PCDH9: variants seen among roughly 807,000 people sequenced by gnomAD.
PCDH9 encodes protocadherin 9.
A neutral mutation model predicts 70.6 loss-of-function variants in PCDH9; 24 were observed. That is an observed-to-expected ratio of 0.34 (90% confidence interval 0.25 to 0.48). The LOEUF (loss-of-function observed/expected upper bound fraction) is 0.48, where lower values mean the gene tolerates loss of function less well. Among genes scored for constraint, PCDH9 ranks in the 20% least tolerant of loss-of-function variants. The probability of loss-of-function intolerance (pLI) is 0.99; values close to 1 mark genes in which losing one functional copy is unlikely to be tolerated. For missense variants in PCDH9, 1,281 were observed against 1,503.6 expected (o/e 0.85, Z 2.45); for synonymous variants, 562 against 558.5 (o/e 1.01, Z -0.09).
intron 2 of PCDH9, among the ~76,000 whole-genome samples, chr13:67,042,382 C>T (rs981192488): frequency 2.6e-5 from 4 of 152,080 alleles, no homozygotes; most frequent in African/African-American, 9.7e-5. Flanking sequence ...CTTCACAAGG[C>T]AGCAGGAAGG....
Position 67,140,950 on chromosome 13 carries a change from T to C in PCDH9, c.3036+84455A>G, listed in dbSNP as rs189211250. On this transcript the variant is annotated intron_variant, in intron 2 of 4. Coordinates refer to ENST00000377865, the MANE Select transcript of PCDH9 (RefSeq NM_203487.3). ...CCTAATTTTTCTTTCTTTTGCTTTT[T>C]CCCCCTCATTTTTTTCTGTAATATT... 7.5e-3 allele frequency among the ~76,000 whole-genome samples: 1,142 copies of C among 152,310 alleles called. 13 individuals carry two copies. Among genetic ancestry groups the C allele is most frequent in the Non-Finnish European group, 0.012 (835 of 68,024 alleles).
chr13:67,197,277 A>C (rs1323044951), intron 2 of PCDH9, among the ~76,000 whole-genome samples: 1 of 151,956 alleles, frequency 6.6e-6, no homozygotes, highest in Non-Finnish European at 1.5e-5. Context: ...CCTATGGCAA[A>C]ATGTGTCTTT....
chr13:66,359,704 G>A (rs1956437737), intron 4 of PCDH9, among the ~76,000 whole-genome samples: 1 of 152,034 alleles, frequency 6.6e-6, no homozygotes, highest in Non-Finnish European at 1.5e-5. Context: ...TTTCTTCTCT[G>A]TCTTGAGTTG....
At chr13:66,497,684 A>G (rs542816426) in intron 4 of PCDH9, among the ~76,000 whole-genome samples, 13 of 152,266 alleles carry the variant, frequency 8.5e-5, no homozygotes, top group African/African-American at 3.1e-4. Flanking sequence ...CTTGGTAGTT[A>G]AGAGGGTTTG....
intron 4 of PCDH9, among the ~76,000 whole-genome samples, chr13:66,559,724 C>T (rs571316862): frequency 3.4e-5 from 5 of 145,160 alleles, no homozygotes; most frequent in African/African-American, 1.3e-4. Flanking sequence ...GGCATGAACC[C>T]AGGAGGCGGA....
intron 4 of PCDH9, among the ~76,000 whole-genome samples, chr13:66,516,868 T>C (rs1468133548): frequency 6.6e-6 from 1 of 152,132 alleles, no homozygotes; most frequent in Non-Finnish European, 1.5e-5. Flanking sequence ...ATCTTTCCTG[T>C]TAATTTTTTA....
rs561815101 is a variant in PCDH9 at position 66,724,621 on chromosome 13, G to A, written c.3139-93210C>T. Among the ~76,000 whole-genome samples, 200 of 152,208 alleles carry A rather than the reference G, an allele frequency of 1.3e-3. 1 individual carries two copies. Among genetic ancestry groups the A allele is most frequent in the African/African-American group, 4.7e-3 (194 of 41,530 alleles). On this transcript the variant is annotated intron_variant, in intron 3 of 4. Coordinates refer to ENST00000377865, the MANE Select transcript of PCDH9 (RefSeq NM_203487.3). Reference sequence around the variant, plus strand: ...ATTCTTCCATAAAGGTCAGGACTTCGTCAACAAATCCTCCTTATTTTGGCG... The same window carrying A: ...ATTCTTCCATAAAGGTCAGGACTTCATCAACAAATCCTCCTTATTTTGGCG...
intron 2 of PCDH9, among the ~76,000 whole-genome samples, chr13:67,163,135 A>C (rs994427915): frequency 9.9e-5 from 15 of 152,204 alleles, no homozygotes; most frequent in African/African-American, 2.9e-4. Flanking sequence ...CTCCGTGTGC[A>C]TGAATGAGAA....
intron 3 of PCDH9, among the ~76,000 whole-genome samples, chr13:66,633,423 T>C (rs2077597528): frequency 6.6e-6 from 1 of 152,194 alleles, no homozygotes; most frequent in African/African-American, 2.4e-5. Flanking sequence ...GTGTTTACTC[T>C]CTTATATATA....
At chr13:67,176,704 T>C (rs989593742) in intron 2 of PCDH9, among the ~76,000 whole-genome samples, 1 of 152,056 alleles carries the variant, frequency 6.6e-6, no homozygotes, top group Non-Finnish European at 1.5e-5. Flanking sequence ...CCTCTTTATG[T>C]AATTGTACCC....
At chr13:67,168,185 C>G (rs115607299) in intron 2 of PCDH9, among the ~76,000 whole-genome samples, 6 of 152,114 alleles carry the variant, frequency 3.9e-5, no homozygotes, top group Admixed American at 1.3e-4. Flanking sequence ...TGTGACAAAA[C>G]CTTTATTCTT....
At chr13:67,127,676 A>ATATATGTG (rs1555310054) in intron 2 of PCDH9, among the ~76,000 whole-genome samples, 83 of 145,576 alleles carry the variant, frequency 5.7e-4, no homozygotes, top group African/African-American at 1.3e-3. Context: ...ATATATATAT[A>ATATATGTG]TGTGTGTGTG....
At chr13:66,490,759 T>A (rs985957738) in intron 4 of PCDH9, among the ~76,000 whole-genome samples, 7 of 152,066 alleles carry the variant, frequency 4.6e-5, no homozygotes, top group Non-Finnish European at 5.9e-5. Context: ...GAAAAAAAAA[T>A]TCCTGATGCA....
chr13:66,326,236 T>C (rs1235915065), intron 4 of PCDH9, among the ~76,000 whole-genome samples: 1 of 152,126 alleles, frequency 6.6e-6, no homozygotes, highest in Non-Finnish European at 1.5e-5. Flanking sequence ...CTTACATATA[T>C]GTAACCCCAG....
chr13:66,984,911 C>T (rs1048918883), intron 2 of PCDH9, among the ~76,000 whole-genome samples: 5 of 151,700 alleles, frequency 3.3e-5, no homozygotes, highest in African/African-American at 1.2e-4. Context: ...ATGTGTGGAC[C>T]CCCCATCTCA....
At chr13:67,145,445 A>C (rs1178044693) in intron 2 of PCDH9, among the ~76,000 whole-genome samples, 2 of 152,040 alleles carry the variant, frequency 1.3e-5, no homozygotes, top group Admixed American at 6.6e-5. Flanking sequence ...AGTACCACAG[A>C]AGCTCAAGAG....
chr13:66,821,360 T>C (rs1328362576), intron 3 of PCDH9, among the ~76,000 whole-genome samples: 1 of 152,138 alleles, frequency 6.6e-6, no homozygotes, highest in African/African-American at 2.4e-5. Context: ...GGAAATATAG[T>C]AGCTATTTCT....
chr13:66,502,687 C>T (rs1038795240), intron 4 of PCDH9, among the ~76,000 whole-genome samples: 1 of 152,036 alleles, frequency 6.6e-6, no homozygotes, highest in South Asian at 2.1e-4. Flanking sequence ...TAGAAGTGCT[C>T]ATGACAATTG....
intron 2 of PCDH9, among the ~76,000 whole-genome samples, chr13:66,988,795 T>A (rs1396767890): frequency 2.0e-5 from 3 of 152,002 alleles, no homozygotes; most frequent in African/African-American, 7.2e-5. Flanking sequence ...TCACAGCTTC[T>A]GAATTCATAG....
Sources: gnomAD v4.1 joint callset for allele counts (sites outside exome capture counted in the v4.1 genomes callset) on GRCh38, gnomAD v4.1.1 for gene constraint, MANE v1.5 for transcripts, NCBI Gene and HGNC (gene_info 2026-07-23, HGNC 2026-07-21) for gene names.